The following CPSF4 variants were observed in gnomAD, a reference collection of about 807,000 sequenced individuals.
CPSF4 encodes the protein cleavage and polyadenylation specific factor 4.
In CPSF4, 11 loss-of-function variants were observed where a neutral mutation model predicts 37.7. That is an observed-to-expected ratio of 0.29 (90% CI 0.18 to 0.48). The LOEUF (loss-of-function observed/expected upper bound fraction) is 0.48. Among genes scored for constraint, CPSF4 ranks in the 20% least tolerant of loss-of-function variants. The pLI, the probability that CPSF4 is intolerant of heterozygous loss-of-function variation, is 0.99. For missense variants in CPSF4, 144 were observed against 359.5 expected (o/e 0.40, Z 4.85); for synonymous variants, 132 against 135.9 (o/e 0.97, Z 0.20).
intron 7 of CPSF4, among the ~76,000 whole-genome samples, chr7:99,455,286 G>C (rs1467603668): frequency 3.9e-5 from 6 of 152,150 alleles, no homozygotes; most frequent in African/African-American, 1.2e-4. Flanking sequence ...TGTGGGGTCC[G>C]ACAGACATGC....
rs957631245 is a variant in CPSF4 at position 99,453,415 on chromosome 7, G to A, written c.571-551G>A. Among the ~76,000 whole-genome samples, 8 of 152,170 alleles carry A rather than the reference G, an allele frequency of 5.3e-5. No homozygotes were observed. Among genetic ancestry groups the A allele is most frequent in the African/African-American group, 1.4e-4 (6 of 41,444 alleles). ...TGCCAACCTGGGGGTTTTCTAGCTC[G>A]GGTTCTGCACTTACGGGCCAGAGCC... is the stretch of plus-strand genomic sequence containing the variant. On this transcript the variant is annotated intron_variant, in intron 6 of 7. Coordinates refer to ENST00000292476, the MANE Select transcript of CPSF4 (RefSeq NM_006693.4). The surrounding 1 kb of genome is among the most constrained non-coding windows in gnomAD (Gnocchi z 4.7).
At chr7:99,447,858 C>A in intron 2 of CPSF4, 1 of 530,404 alleles carries the variant, frequency 1.9e-6, no homozygotes, top group Non-Finnish European at 3.6e-6. Context: ...GATCCGCCCA[C>A]CTCGGCCTTC....
intron 1 of CPSF4, among the ~76,000 whole-genome samples, chr7:99,440,676 T>TATATATATATATA (rs1562852973): frequency 2.4e-4 from 15 of 62,170 alleles, no homozygotes; most frequent in African/African-American, 2.3e-3. Context: ...ATATATATAT[T>TATATATATATATA]TTTTTTTTTT....
intron 2 of CPSF4, among the ~76,000 whole-genome samples, chr7:99,446,810 A>T (rs1797540603): frequency 8.9e-5 from 3 of 33,654 alleles, no homozygotes; most frequent in African/African-American, 8.7e-4. Flanking sequence ...TTTTTTTTTA[A>T]CGGAGTTTTG....
At position 99,439,200 on chromosome 7, in the gene CPSF4, C is replaced by T. The variant is rs369981927; in HGVS notation, c.103+15C>T. ...CGGCATGGACAGTGAGCGCGGGGCC[C>T]GGGCGGGAGGGCAAGAGCGACTCGA... On this transcript the variant is annotated intron_variant, in intron 1 of 7. Coordinates refer to ENST00000292476, the MANE Select transcript of CPSF4 (RefSeq NM_006693.4). The T allele has an allele frequency of 4.2e-5, 65 of 1,553,730 alleles. No individual in the cohort carries two copies. The African/African-American group carries it at 8.2e-4, about 20-fold the overall frequency.
At position 99,456,576 on chromosome 7, in the gene CPSF4, G is replaced by A. The variant is rs753571540; in HGVS notation, c.*76G>A. ...GTGCATTTAACTGTTTCATGCGCTTGTTGGCGCGACTGTGGCTCGAGCTGG... is the reference window on the plus strand; with the variant it reads ...GTGCATTTAACTGTTTCATGCGCTTATTGGCGCGACTGTGGCTCGAGCTGG... On this transcript the variant is annotated 3_prime_UTR_variant, in exon 8 of 8. Transcript: ENST00000292476. 7.8e-6 allele frequency: 10 copies of A among 1,277,156 alleles called. 1 individual carries two copies. The South Asian group carries it at 1.2e-4, about 15-fold the overall frequency. 79.1% of individuals were successfully genotyped at this position (1,277,156 alleles called of 1,614,324 possible).
intron 1 of CPSF4, among the ~76,000 whole-genome samples, chr7:99,440,871 A>G (rs1029615879): frequency 2.0e-5 from 3 of 149,988 alleles, no homozygotes; most frequent in African/African-American, 7.4e-5. Flanking sequence ...CAGCTGCTCA[A>G]ATTCACACAC....
chr7:99,440,674 A>ATTTTTTTT (rs1195402168), intron 1 of CPSF4, among the ~76,000 whole-genome samples: 7 of 88,078 alleles, frequency 7.9e-5, no homozygotes, highest in South Asian at 4.3e-4. Context: ...ATATATATAT[A>ATTTTTTTT]TTTTTTTTTT....
In CPSF4 at chr7:99,448,088, T is replaced by C. The variant is rs1319210988; in HGVS notation, c.155-33T>C. 2 of 1,609,622 alleles carry C rather than the reference T, an allele frequency of 1.2e-6. No individual in the cohort carries two copies. Among genetic ancestry groups the C allele is most frequent in the Non-Finnish European group, 8.5e-7 (1 of 1,177,686 alleles). ...TGTCCCCCAGGCTCAGGGTGGCCTC[T>C]CTGCTGACACCCTGTCCCTATCTTG... On this transcript the variant is annotated intron_variant, in intron 2 of 7. Transcript: ENST00000292476. This position sits in a 1 kb window ranked among gnomAD's most constrained non-coding sequence, Gnocchi z 4.4.
At position 99,456,538 on chromosome 7, in the gene CPSF4, C is replaced by T. The variant is rs200727811; in HGVS notation, c.*38C>T. The T allele has an allele frequency of 1.3e-3, 2,097 of 1,574,504 alleles. 32 individuals carry two copies. In the South Asian group the frequency reaches 0.022, roughly 16 times the overall value. On this transcript the variant is annotated 3_prime_UTR_variant, in exon 8 of 8. Transcript: ENST00000292476. ...CCAGCTCCGAGCAGCCCGGGGGCCCCGCTGTTGGGAGTGTGCATTTAACTG... is the reference window on the plus strand; with the variant it reads ...CCAGCTCCGAGCAGCCCGGGGGCCCTGCTGTTGGGAGTGTGCATTTAACTG...
chr7:99,442,905 G>A (rs1441859042), intron 1 of CPSF4: 2 of 1,373,720 alleles, frequency 1.5e-6, no homozygotes, highest in Non-Finnish European at 2.1e-6. Flanking sequence ...AAAGCGCTCT[G>A]CTCTTTTCCT....
At chr7:99,443,610 G>A (rs181978284) in intron 1 of CPSF4, 427 of 521,718 alleles carry the variant, frequency 8.2e-4, no homozygotes, top group African/African-American at 7.2e-3. Context: ...TCAGGAGTTC[G>A]AGACCAGCCT....
Position 99,438,956 on chromosome 7 carries a change from C to A in CPSF4, c.-127C>A. 2 of 1,218,426 alleles carry A rather than the reference C, an allele frequency of 1.6e-6. No homozygotes were observed. The highest frequency in any genetic ancestry group is 1.1e-6 in the Non-Finnish European group (1 of 947,010). The allele number at this position is 1,218,426 out of a possible 1,614,324, so 75.5% of individuals were successfully genotyped here. ...CCGGGCGCTCCCGGCATCCCTCGGGCGGCGGCGGCGGCGGCGGCGAGGCGA... is the reference window on the plus strand; with the variant it reads ...CCGGGCGCTCCCGGCATCCCTCGGGAGGCGGCGGCGGCGGCGGCGAGGCGA... On this transcript the variant is annotated 5_prime_UTR_variant, in exon 1 of 8. Coordinates refer to ENST00000292476, the MANE Select transcript of CPSF4 (RefSeq NM_006693.4).
chr7:99,454,089 G>A lies in CPSF4; in HGVS notation c.694G>A (p.Ala232Thr), dbSNP rs374595432. Reference protein sequence around the residue: ...IGVMQSQNSSAGNRGPRPLEQ... With the variant: ...IGVMQSQNSSTGNRGPRPLEQ... ...GGTCATGCAGAGTCAAAACAGCAGC[G>A]CGGGCAACCGGGGACCCCGGCCACT... The change falls in exon 7 of 8, where the codon GCG becomes ACG. Residue 232 changes from alanine (A) to threonine (T), a missense_variant. Around this residue, in one of 4 missense-constraint regions of CPSF4, gnomAD observed 86 missense variants for 141.5 expected, o/e 0.61. Coordinates refer to ENST00000292476, the MANE Select transcript of CPSF4 (RefSeq NM_006693.4). The A allele has an allele frequency of 2.4e-5, 38 of 1,614,132 alleles. No individual in the cohort carries two copies. The highest frequency in any genetic ancestry group is 4.4e-5 in the South Asian group (4 of 91,078).
At chr7:99,446,053 A>G (rs1797464917) in intron 2 of CPSF4, among the ~76,000 whole-genome samples, 1 of 152,210 alleles carries the variant, frequency 6.6e-6, no homozygotes, top group South Asian at 2.1e-4. Context: ...GCTGGTTTTA[A>G]TGAATGGTTT....
intron 7 of CPSF4, among the ~76,000 whole-genome samples, 192 bp downstream of exon 7, chr7:99,454,328 C>T (rs889490215): frequency 2.0e-5 from 3 of 152,248 alleles, no homozygotes; most frequent in African/African-American, 7.2e-5. Flanking sequence ...CCACACTGCA[C>T]TGAGGCACGG....
chr7:99,453,905 C>A lies in CPSF4; in HGVS notation c.571-61C>A. 7.2e-6 allele frequency: 11 copies of A among 1,526,532 alleles called. No homozygotes were observed. The highest frequency in any genetic ancestry group is 1.2e-5 in the South Asian group (1 of 85,340). 94.6% of individuals were successfully genotyped at this position (1,526,532 alleles called of 1,614,324 possible). A position where few individuals can be genotyped will look rare whatever the true frequency, so the allele number is the denominator to read the frequency against. Reference sequence around the variant, plus strand: ...GTCCCGCCCTCTTTTTTCCTGTCCCCATCGGTAGTCTGCGTGCACGTGTTT... The same window carrying A: ...GTCCCGCCCTCTTTTTTCCTGTCCCAATCGGTAGTCTGCGTGCACGTGTTT... On this transcript the variant is annotated intron_variant, in intron 6 of 7. Transcript: ENST00000292476. This position sits in a 1 kb window ranked among gnomAD's most constrained non-coding sequence, Gnocchi z 4.7.
chr7:99,440,977 T>G (rs1584481531), intron 1 of CPSF4, among the ~76,000 whole-genome samples: 1 of 133,784 alleles, frequency 7.5e-6, no homozygotes. Flanking sequence ...TGAGACAGAG[T>G]TTTGCTTTTG....
intron 5 of CPSF4, among the ~76,000 whole-genome samples, chr7:99,452,060 G>A (rs1338174453): frequency 2.0e-5 from 3 of 152,116 alleles, no homozygotes; most frequent in Admixed American, 1.3e-4. Flanking sequence ...CAGCAGGCAC[G>A]CACCAGCACA....
Sources: allele counts gnomAD v4.1 joint callset (sites outside exome capture counted in the v4.1 genomes callset), GRCh38; gene constraint gnomAD v4.1.1; regional missense constraint gnomAD v4.1.1; non-coding constraint Gnocchi (gnomAD v3.1); transcripts MANE v1.5; gene names NCBI Gene and HGNC (gene_info 2026-07-23, HGNC 2026-07-21).